SEMA6A: variants seen among roughly 807,000 people sequenced by gnomAD.
SEMA6A encodes semaphorin-6A.
In SEMA6A, 25 loss-of-function variants were observed where a neutral mutation model predicts 96.8. That is an observed-to-expected ratio of 0.26 (90% CI 0.19 to 0.36). SEMA6A has a LOEUF of 0.36. Among genes scored for constraint, SEMA6A ranks in the 10% least tolerant of loss-of-function variants. The probability of loss-of-function intolerance (pLI) is 1.00; values close to 1 mark genes in which losing one functional copy is unlikely to be tolerated. For missense variants in SEMA6A, 1,363 were observed against 1,323.1 expected, an observed-to-expected ratio of 1.03 and a Z score of -0.47; for synonymous variants, 612 against 518.0, an observed-to-expected ratio of 1.18 and a Z score of -2.46.
chr5:116,481,699 G>A (rs186988257), intron 11 of SEMA6A, among the ~76,000 whole-genome samples: 1 of 152,292 alleles, frequency 6.6e-6, no homozygotes, highest in African/African-American at 2.4e-5. Context: ...ATGGAGGTGT[G>A]AGTGCGTGCC....
At chr5:116,549,299 G>A (rs550399351) in intron 1 of SEMA6A, among the ~76,000 whole-genome samples, 22 of 152,254 alleles carry the variant, frequency 1.4e-4, no homozygotes, top group Admixed American at 1.0e-3. Flanking sequence ...CTCCCATAGC[G>A]TATGGAGAGC....
At chr5:116,480,447 C>T (rs1756693814) in intron 11 of SEMA6A, among the ~76,000 whole-genome samples, 170 bp from the exon 12 acceptor site, 1 of 152,172 alleles carries the variant, frequency 6.6e-6, no homozygotes, top group African/African-American at 2.4e-5. Context: ...GCTGAGATTT[C>T]CTCTGAGCCG....
At chr5:116,515,992 C>T (rs969566402) in intron 1 of SEMA6A, among the ~76,000 whole-genome samples, 4 of 152,058 alleles carry the variant, frequency 2.6e-5, no homozygotes, top group African/African-American at 4.8e-5. Flanking sequence ...TTTGGTAAGA[C>T]AGTCTCAAGA....
intron 5 of SEMA6A, chr5:116,495,818 A>G (rs1030204289): frequency 5.4e-6 from 2 of 373,342 alleles, no homozygotes; most frequent in Non-Finnish European, 9.8e-6. Context: ...CAGATGCTCC[A>G]GCGTTCCCTG....
rs17140144 is a variant in SEMA6A at position 116,567,814 on chromosome 5, G to A, written c.-39+6371C>T. 0.023 allele frequency among the ~76,000 whole-genome samples: 3,448 copies of A among 152,260 alleles called. 294 individuals carry two copies. In the South Asian group the frequency reaches 0.25, roughly 11 times the overall value. On this transcript the variant is annotated intron_variant, in intron 1 of 18. Coordinates refer to ENST00000343348, the MANE Select transcript of SEMA6A (RefSeq NM_020796.5). ...ATGACAAAGATGGAAACTTCTACTA[G>A]TCCTGGTTCACCCTGACATATTAAT...
intron 1 of SEMA6A, among the ~76,000 whole-genome samples, chr5:116,539,618 T>TGTGTGTGTGTGG (rs748442933): frequency 5.9e-5 from 9 of 151,726 alleles, no homozygotes; most frequent in African/African-American, 2.2e-4. Flanking sequence ...TGTGTGTGTG[T>TGTGTGTGTGTGG]ACTTTCTTTA....
At chr5:116,493,166 C>T (rs1757414174) in intron 6 of SEMA6A, among the ~76,000 whole-genome samples, 1 of 152,142 alleles carries the variant, frequency 6.6e-6, no homozygotes, top group African/African-American at 2.4e-5. Context: ...GGAAATGGAA[C>T]ATGTACAGGA....
At chr5:116,450,790 T>A (rs1388051187) in intron 18 of SEMA6A, among the ~76,000 whole-genome samples, 3 of 152,180 alleles carry the variant, frequency 2.0e-5, no homozygotes, top group African/African-American at 7.2e-5. Context: ...AGGGCTTTCC[T>A]CATCTGCTTG....
intron 3 of SEMA6A, among the ~76,000 whole-genome samples, chr5:116,501,081 C>A (rs1177217673): frequency 6.6e-6 from 1 of 151,966 alleles, no homozygotes; most frequent in African/African-American, 2.4e-5. Context: ...CCAGGAAAGA[C>A]CACAGGGGAC....
At position 116,563,719 on chromosome 5, in the gene SEMA6A, C is replaced by A. The variant is rs145215474; in HGVS notation, c.-39+10466G>T. Among the ~76,000 whole-genome samples the A allele has an allele frequency of 1.2e-3, 185 of 152,278 alleles. 1 individual carries two copies. Among genetic ancestry groups the A allele is most frequent in the African/African-American group, 4.3e-3 (180 of 41,558 alleles). ...AGAATGAACTCAATTCAACAAAATTCTTTTTAATGAAAAAAGCTTTGATCT... is the reference window on the plus strand; with the variant it reads ...AGAATGAACTCAATTCAACAAAATTATTTTTAATGAAAAAAGCTTTGATCT... On this transcript the variant is annotated intron_variant, in intron 1 of 18. Coordinates refer to ENST00000343348, the MANE Select transcript of SEMA6A (RefSeq NM_020796.5).
Position 116,495,428 on chromosome 5 carries a change from G to A in SEMA6A, c.429C>T (p.Ser143=), listed in dbSNP as rs1177652555. The A allele has an allele frequency of 3.7e-6, 6 of 1,609,172 alleles. No individual in the cohort carries two copies. In the African/African-American group the frequency reaches 6.7e-5, roughly 18 times the overall value. ...FVCGTNAFNP[S]CRNYKMDTLE... ...TAGCATTTACCTTATAGTTTCTGCA[G>A]GAAGGGTTGAAGGCATTAGTTCCAC... The change falls in exon 6 of 19, where the codon TCC becomes TCT. Residue 143 remains serine (S), a synonymous_variant. Coordinates refer to ENST00000343348, the MANE Select transcript of SEMA6A (RefSeq NM_020796.5).
At chr5:116,455,822 C>G (rs887387849) in intron 18 of SEMA6A, among the ~76,000 whole-genome samples, 1 of 152,122 alleles carries the variant, frequency 6.6e-6, no homozygotes, top group East Asian at 1.9e-4. Context: ...CCTGGGTTTG[C>G]GTGTTGGCTC....
chr5:116,498,885 C>T (rs551811880), intron 3 of SEMA6A: 30 of 152,278 alleles, frequency 2.0e-4, no homozygotes, highest in African/African-American at 5.8e-4. Flanking sequence ...TGTAAATGAA[C>T]AACTGATTAA....
chr5:116,566,799 A>G (rs572903070), intron 1 of SEMA6A, among the ~76,000 whole-genome samples: 3 of 152,250 alleles, frequency 2.0e-5, no homozygotes, highest in African/African-American at 7.2e-5. Flanking sequence ...ATTATTTCCT[A>G]CCTTTGGTGT....
chr5:116,544,853 A>G (rs1434598177), intron 1 of SEMA6A, among the ~76,000 whole-genome samples: 2 of 152,214 alleles, frequency 1.3e-5, no homozygotes, highest in Admixed American at 6.5e-5. Flanking sequence ...CAAAGAATCA[A>G]TATGTCAGTA....
intron 17 of SEMA6A, among the ~76,000 whole-genome samples, chr5:116,471,923 T>A (rs780730709): frequency 1.3e-5 from 2 of 152,216 alleles, no homozygotes; most frequent in Non-Finnish European, 2.9e-5. Flanking sequence ...TTCCCTTTTT[T>A]AAAATTTATT....
rs563873695 is a variant in SEMA6A at position 116,516,400 on chromosome 5, G to GA, written c.-38-11419dup. Among the ~76,000 whole-genome samples, 947 of 152,000 alleles carry GA rather than the reference G, an allele frequency of 6.2e-3. 11 individuals carry two copies. Among genetic ancestry groups the GA allele is most frequent in the African/African-American group, 0.022 (912 of 41,442 alleles). On this transcript the variant is annotated intron_variant, in intron 1 of 18. Coordinates refer to ENST00000343348, the MANE Select transcript of SEMA6A (RefSeq NM_020796.5). Reference sequence around the variant, plus strand: ...TTGGGGAAATTCATTTCGTTTATCCGAAAAAAGCCTGCTTTATGTCTCAGT... The same window carrying GA: ...TTGGGGAAATTCATTTCGTTTATCCGAAAAAAAGCCTGCTTTATGTCTCAGT...
chr5:116,481,328 C>T (rs1171598706), intron 11 of SEMA6A, among the ~76,000 whole-genome samples: 2 of 152,130 alleles, frequency 1.3e-5, no homozygotes, highest in Non-Finnish European at 2.9e-5. Context: ...CTATCTAGAA[C>T]TATCTAGAAG....
At chr5:116,487,727 G>A (rs895026772) in intron 9 of SEMA6A, among the ~76,000 whole-genome samples, 11 of 152,110 alleles carry the variant, frequency 7.2e-5, no homozygotes, top group Non-Finnish European at 8.8e-5. Flanking sequence ...AGCTGGGCAC[G>A]GTGGCGCATG....
Sources: allele counts gnomAD v4.1 joint callset (sites outside exome capture counted in the v4.1 genomes callset), GRCh38; gene constraint gnomAD v4.1.1; transcripts MANE v1.5; gene names NCBI Gene and HGNC (gene_info 2026-07-23, HGNC 2026-07-21).